Variants in BCAR3 observed in about 807,000 individuals in gnomAD.
The protein encoded by BCAR3 is BCAR3 adaptor protein, NSP family member, also known as breast cancer anti-estrogen resistance protein 3.
Under a neutral mutation model 80.1 loss-of-function variants are expected in BCAR3, and 37 were observed. That is an observed-to-expected ratio of 0.46 (90% confidence interval 0.36 to 0.61). BCAR3 has a LOEUF of 0.61. Ranked by LOEUF, BCAR3 falls within the 20% of genes least tolerant of loss-of-function variation. The pLI, the probability that BCAR3 is intolerant of heterozygous loss-of-function variation, is 0.00. For synonymous variants in BCAR3, 389 were observed against 418.9 expected (o/e 0.93, Z 0.87); for missense variants, 978 against 1,068.2 (o/e 0.92, Z 1.18).
intron 2 of BCAR3, among the ~76,000 whole-genome samples, chr1:93,714,546 C>T (rs1230379366): frequency 6.6e-6 from 1 of 152,180 alleles, no homozygotes. Context: ...TCCTTCAGAA[C>T]ATAAGCTTCA....
At chr1:93,782,546 G>A (rs1033682934) in intron 2 of BCAR3, among the ~76,000 whole-genome samples, 6 of 152,132 alleles carry the variant, frequency 3.9e-5, no homozygotes, top group Non-Finnish European at 1.5e-5. Flanking sequence ...GGGCTACAGA[G>A]GTTGTAGAAA....
intron 2 of BCAR3, among the ~76,000 whole-genome samples, chr1:93,724,218 A>G (rs1051144900): frequency 2.6e-5 from 4 of 152,198 alleles, no homozygotes; most frequent in African/African-American, 9.6e-5. Flanking sequence ...TTAGGATGCC[A>G]GCGCTGGTGG....
At chr1:93,718,158 T>A (rs914954501) in intron 2 of BCAR3, among the ~76,000 whole-genome samples, 1 of 152,158 alleles carries the variant, frequency 6.6e-6, no homozygotes, top group Admixed American at 6.5e-5. Context: ...GATGTTGAAT[T>A]CCAATCAGAG....
intron 2 of BCAR3, among the ~76,000 whole-genome samples, chr1:93,804,604 G>A (rs1653599567): frequency 6.6e-6 from 1 of 152,154 alleles, no homozygotes; most frequent in African/African-American, 2.4e-5. Context: ...ATCCTGGGCA[G>A]GACAGAGTTG....
chr1:93,668,702 CTTTT>C (rs113398047), intron 2 of BCAR3, among the ~76,000 whole-genome samples: 1 of 144,046 alleles, frequency 6.9e-6, no homozygotes, highest in Non-Finnish European at 1.5e-5. Flanking sequence ...CTAATAAAAG[CTTTT>C]TTTTTTTTCT....
intron 9 of BCAR3, among the ~76,000 whole-genome samples, chr1:93,569,542 C>T (rs1022900184): frequency 3.9e-5 from 6 of 152,256 alleles, no homozygotes; most frequent in Non-Finnish European, 5.9e-5. Context: ...ATCTCCTGGA[C>T]ATATTCTCTT....
chr1:93,594,285 C>T (rs1017728281), intron 3 of BCAR3: 5 of 152,262 alleles, frequency 3.3e-5, no homozygotes, highest in Non-Finnish European at 5.9e-5. Context: ...TTCTCCCTTT[C>T]GCCCTCAAGT....
chr1:93,636,013 T>C (rs1471539746), intron 3 of BCAR3, among the ~76,000 whole-genome samples: 2 of 152,214 alleles, frequency 1.3e-5, no homozygotes, highest in Non-Finnish European at 2.9e-5. Flanking sequence ...GCACTTATTC[T>C]TGGCATTGGA....
chr1:93,732,767 C>T (rs1443565145), intron 2 of BCAR3, among the ~76,000 whole-genome samples: 1 of 152,236 alleles, frequency 6.6e-6, no homozygotes, highest in Non-Finnish European at 1.5e-5. Context: ...AAACCCCAAA[C>T]TGCAGAAAAC....
intron 2 of BCAR3, among the ~76,000 whole-genome samples, chr1:93,737,435 A>G (rs1651014775): frequency 6.6e-6 from 1 of 152,206 alleles, no homozygotes; most frequent in Non-Finnish European, 1.5e-5. Context: ...CACACAGGGA[A>G]GAAGCCATGT....
At chr1:93,813,849 A>T (rs1246693202) in intron 2 of BCAR3, among the ~76,000 whole-genome samples, 1 of 152,234 alleles carries the variant, frequency 6.6e-6, no homozygotes, top group African/African-American at 2.4e-5. Context: ...CCAATGAAAG[A>T]TCAATCATTT....
At chr1:93,760,151 T>C (rs764634451) in intron 2 of BCAR3, among the ~76,000 whole-genome samples, 11 of 151,532 alleles carry the variant, frequency 7.3e-5, no homozygotes, top group Non-Finnish European at 1.5e-4. Flanking sequence ...AATGAATGAA[T>C]AAATGTGGCC....
At chr1:93,591,500 A>G (rs1486172783) in intron 4 of BCAR3, among the ~76,000 whole-genome samples, 1 of 152,008 alleles carries the variant, frequency 6.6e-6, no homozygotes, top group East Asian at 1.9e-4. Flanking sequence ...AACTTACGAC[A>G]TGATGCCCTT....
intron 2 of BCAR3, among the ~76,000 whole-genome samples, chr1:93,839,706 A>G (rs1276088047): frequency 6.6e-6 from 1 of 152,178 alleles, no homozygotes; most frequent in African/African-American, 2.4e-5. Context: ...TTTCCTCTGA[A>G]GTAATTTTTT....
At chr1:93,585,624 A>G (rs1673909397) in intron 5 of BCAR3, among the ~76,000 whole-genome samples, 1 of 152,204 alleles carries the variant, frequency 6.6e-6, no homozygotes, top group South Asian at 2.1e-4. Context: ...CCCAAAGGAA[A>G]CAGAAGAAAA....
At position 93,725,374 on chromosome 1, in the gene BCAR3, G is replaced by A. The variant is rs114746892; in HGVS notation, c.-62-19232C>T. On this transcript the variant is annotated intron_variant, in intron 2 of 13. Coordinates refer to the BCAR3 transcript ENST00000370244. ...GGCCTTAAAATGGCCCAGCCTGCCT[G>A]TACTTCCTTTGCTAATGAGGCCGAG... 7.9e-3 allele frequency among the ~76,000 whole-genome samples: 1,197 copies of A among 152,326 alleles called. 18 individuals are homozygous for A. Among genetic ancestry groups the A allele is most frequent in the African/African-American group, 0.028 (1,152 of 41,564 alleles).
At chr1:93,579,018 C>T (rs1673585810) in intron 7 of BCAR3, among the ~76,000 whole-genome samples, 2 of 152,194 alleles carry the variant, frequency 1.3e-5, no homozygotes, top group Non-Finnish European at 2.9e-5. Context: ...TACTGGTCCT[C>T]ACTTCTAGCT....
intron 2 of BCAR3, among the ~76,000 whole-genome samples, chr1:93,755,770 C>T (rs182057356): frequency 3.9e-4 from 60 of 152,188 alleles, no homozygotes; most frequent in Admixed American, 3.3e-3. Context: ...GTGTGTTGTA[C>T]GTGTGCGTGT....
intron 3 of BCAR3, among the ~76,000 whole-genome samples, chr1:93,606,127 A>G (rs1674765713): frequency 6.6e-6 from 1 of 152,166 alleles, no homozygotes; most frequent in South Asian, 2.1e-4. Flanking sequence ...TCAATATACA[A>G]CTCACAGGTC....
Sources: gnomAD v4.1 joint callset for allele counts (sites outside exome capture counted in the v4.1 genomes callset) on GRCh38, gnomAD v4.1.1 for gene constraint, MANE v1.5 for transcripts, NCBI Gene and HGNC (gene_info 2026-07-23, HGNC 2026-07-21) for gene names.